Variants in LRMDA observed in about 807,000 individuals in gnomAD.
LRMDA encodes leucine-rich melanocyte differentiation-associated protein.
LRMDA carries 18 observed loss-of-function variants against 29.8 expected under a neutral mutation model. The ratio of observed to expected loss-of-function variants is 0.60; its 90% CI spans 0.42 to 0.90. The LOEUF (loss-of-function observed/expected upper bound fraction) is 0.90. Ranked by LOEUF, LRMDA falls within the 40% of genes least tolerant of loss-of-function variation. LRMDA has a pLI of 0.00. For missense variants in LRMDA, 273 were observed against 273.9 expected, an observed-to-expected ratio of 1.00 and a Z score of 0.02; for synonymous variants, 125 against 109.4, an observed-to-expected ratio of 1.14 and a Z score of -0.89.
chr10:75,900,594 G>A (rs1262429071), intron 2 of LRMDA, among the ~76,000 whole-genome samples: 1 of 152,184 alleles, frequency 6.6e-6, no homozygotes, highest in Non-Finnish European at 1.5e-5. Flanking sequence ...TTCAGCCTGT[G>A]CAGTGCATTG....
chr10:75,742,100 G>A (rs1379422147), intron 2 of LRMDA, among the ~76,000 whole-genome samples: 1 of 152,182 alleles, frequency 6.6e-6, no homozygotes, highest in Non-Finnish European at 1.5e-5. Flanking sequence ...CCAGTGTATG[G>A]TGCTTTGTTA....
Position 76,378,076 on chromosome 10 carries a change from A to G in LRMDA, c.601+53591A>G, listed in dbSNP as rs572353016. The stretch of plus-strand genomic sequence containing the variant: ...GTGATTTTTTTCATCAGTGTTTTGT[A>G]GTTCTTTTTGTTAGAGATCTTTTAC... On this transcript the variant is annotated intron_variant, in intron 6 of 6. Coordinates refer to ENST00000611255, the MANE Select transcript of LRMDA (RefSeq NM_001305581.2). Among the ~76,000 whole-genome samples, 16 of 151,800 alleles carry G rather than the reference A, an allele frequency of 1.1e-4. No individual in the cohort carries two copies. The South Asian group carries it at 3.1e-3, about 30-fold the overall frequency.
chr10:76,505,827 A>G (rs1049659073), intron 6 of LRMDA, among the ~76,000 whole-genome samples: 2 of 152,128 alleles, frequency 1.3e-5, no homozygotes, highest in African/African-American at 4.8e-5. Context: ...GAGGGAAAGG[A>G]ACACTCTGAC....
intron 6 of LRMDA, among the ~76,000 whole-genome samples, chr10:76,516,848 GTA>G (rs1239958729): frequency 6.6e-6 from 1 of 152,122 alleles, no homozygotes; most frequent in Non-Finnish European, 1.5e-5. Context: ...AATCCTTTGG[GTA>G]TATACCCAGT....
intron 2 of LRMDA, among the ~76,000 whole-genome samples, chr10:75,614,322 G>A (rs1251967233): frequency 2.0e-5 from 3 of 152,144 alleles, no homozygotes; most frequent in Admixed American, 1.3e-4. Context: ...GGAGGAAGAG[G>A]GGCAGGGAGG....
At chr10:76,375,600 G>A (rs1841506787) in intron 6 of LRMDA, among the ~76,000 whole-genome samples, 1 of 152,128 alleles carries the variant, frequency 6.6e-6, no homozygotes, top group South Asian at 2.1e-4. Context: ...CAAACTGCTG[G>A]TCCATCAAAG....
At chr10:76,222,191 T>C (rs555116947) in intron 5 of LRMDA, among the ~76,000 whole-genome samples, 41 of 152,212 alleles carry the variant, frequency 2.7e-4, no homozygotes, top group African/African-American at 8.7e-4. Context: ...GGCATTACCA[T>C]TCAGGACATA....
chr10:76,294,130 G>T (rs564849717), intron 5 of LRMDA, among the ~76,000 whole-genome samples: 1 of 152,160 alleles, frequency 6.6e-6, no homozygotes, highest in Admixed American at 6.5e-5. Flanking sequence ...AATCTCTTGC[G>T]GAAAATACGT....
intron 2 of LRMDA, among the ~76,000 whole-genome samples, chr10:75,561,798 C>T (rs935664585): frequency 7.9e-5 from 12 of 152,014 alleles, no homozygotes; most frequent in African/African-American, 2.4e-4. Context: ...ACCCAGTAGT[C>T]ATTCAGGAGC....
chr10:75,992,150 C>A (rs555581913), intron 2 of LRMDA, among the ~76,000 whole-genome samples: 67 of 152,034 alleles, frequency 4.4e-4, no homozygotes, highest in Non-Finnish European at 7.8e-4. Flanking sequence ...AAAAGGGGTC[C>A]AGATAGGTTA....
At chr10:75,677,269 A>T (rs1181357668) in intron 2 of LRMDA, among the ~76,000 whole-genome samples, 2 of 152,200 alleles carry the variant, frequency 1.3e-5, no homozygotes, top group Non-Finnish European at 1.5e-5. Context: ...GTTTGGAGAT[A>T]TCCCAGAAGA....
intron 6 of LRMDA, among the ~76,000 whole-genome samples, chr10:76,474,492 C>T (rs934928363): frequency 2.0e-5 from 3 of 151,250 alleles, no homozygotes; most frequent in Admixed American, 6.6e-5. Context: ...ATAAGGTATC[C>T]AAAATATATA....
chr10:76,132,441 C>T (rs1850009752), intron 5 of LRMDA, among the ~76,000 whole-genome samples: 3 of 152,242 alleles, frequency 2.0e-5, no homozygotes, highest in South Asian at 2.1e-4. Context: ...TCAAGCAGAA[C>T]ATTTTTTATT....
Position 76,025,227 on chromosome 10 carries a change from G to A in LRMDA, c.132-10781G>A, listed in dbSNP as rs563585020. 2.0e-5 allele frequency among the ~76,000 whole-genome samples: 3 copies of A among 150,366 alleles called. No individual in the cohort carries two copies. The South Asian group carries it at 6.5e-4, about 32-fold the overall frequency. On this transcript the variant is annotated intron_variant, in intron 2 of 6. Transcript: ENST00000611255. The stretch of plus-strand genomic sequence containing the variant: ...GACAGGAAAGATTCGCTTTGAGGAG[G>A]GAGGATAGCCCAGAGAAGGAGAATG...
At chr10:76,193,681 T>A (rs1851284924) in intron 5 of LRMDA, among the ~76,000 whole-genome samples, 2 of 152,154 alleles carry the variant, frequency 1.3e-5, no homozygotes, top group South Asian at 4.1e-4. Flanking sequence ...TATATGCCCA[T>A]GAAACTGACC....
intron 5 of LRMDA, among the ~76,000 whole-genome samples, chr10:76,235,239 A>G (rs1249613981): frequency 6.6e-6 from 1 of 152,114 alleles, no homozygotes; most frequent in African/African-American, 2.4e-5. Context: ...AACACACACA[A>G]CACTTATTAA....
intron 5 of LRMDA, among the ~76,000 whole-genome samples, chr10:76,195,041 C>T (rs1050448227): frequency 1.3e-5 from 2 of 152,196 alleles, no homozygotes; most frequent in African/African-American, 2.4e-5. Flanking sequence ...TTCATTTTTA[C>T]AGGCCTCCTA....
chr10:76,237,914 C>T (rs11599323), intron 5 of LRMDA, among the ~76,000 whole-genome samples: 23,748 of 151,326 alleles, frequency 0.16, 2,263 homozygotes, highest in East Asian at 0.45. Flanking sequence ...CCTCAGCCTC[C>T]TAAGTAGCTG....
At chr10:76,425,382 G>A (rs1162053311) in intron 6 of LRMDA, among the ~76,000 whole-genome samples, 1 of 151,118 alleles carries the variant, frequency 6.6e-6, no homozygotes, top group African/African-American at 2.4e-5. Context: ...CCATTGTCAT[G>A]AGACAGACTC....
Sources: allele counts gnomAD v4.1 joint callset (sites outside exome capture counted in the v4.1 genomes callset), GRCh38; gene constraint gnomAD v4.1.1; transcripts MANE v1.5; gene names NCBI Gene and HGNC (gene_info 2026-07-23, HGNC 2026-07-21).